Variants in ATP8A1 observed in about 807,000 individuals in gnomAD.
ATP8A1 encodes ATPase phospholipid transporting 8A1.
ATP8A1 carries 90 observed loss-of-function variants against 177.7 expected under a neutral mutation model. The observed-to-expected ratio is 0.51, with a 90% CI of 0.43 to 0.60. ATP8A1 has a LOEUF of 0.60. Ranked by LOEUF, ATP8A1 falls within the 20% of genes least tolerant of loss-of-function variation. ATP8A1 has a pLI of 0.00. For missense variants in ATP8A1, 1,072 were observed against 1,392.8 expected, an observed-to-expected ratio of 0.77 and a Z score of 3.67; for synonymous variants, 493 against 485.9, an observed-to-expected ratio of 1.01 and a Z score of -0.19.
At chr4:42,433,603 GACAAAGA>G (rs1448429741) in intron 33 of ATP8A1, among the ~76,000 whole-genome samples, 4 of 152,054 alleles carry the variant, frequency 2.6e-5, no homozygotes, top group Non-Finnish European at 5.9e-5. Context: ...ATTACTCAGA[GACAAAGA>G]AAACTCTTGG....
At chr4:42,477,789 A>G (rs1335848602) in intron 25 of ATP8A1, among the ~76,000 whole-genome samples, 2 of 146,244 alleles carry the variant, frequency 1.4e-5, no homozygotes, top group Non-Finnish European at 3.0e-5. Flanking sequence ...CTGGGCAACA[A>G]AGGCAGACCC....
chr4:42,547,446 CA>C (rs541312854), intron 19 of ATP8A1, among the ~76,000 whole-genome samples: 181 of 152,312 alleles, frequency 1.2e-3, no homozygotes, highest in African/African-American at 4.1e-3. Context: ...CCACCTTCAT[CA>C]TTGAGTCCTG....
At chr4:42,493,039 G>C (rs576622624) in intron 24 of ATP8A1, among the ~76,000 whole-genome samples, 1 of 152,288 alleles carries the variant, frequency 6.6e-6, no homozygotes, top group Non-Finnish European at 1.5e-5. Context: ...TTCATAGCTG[G>C]TCAGCAGACA....
At chr4:42,539,702 T>G (rs572847958) in intron 20 of ATP8A1, among the ~76,000 whole-genome samples, 21 of 152,252 alleles carry the variant, frequency 1.4e-4, no homozygotes, top group African/African-American at 4.3e-4. Flanking sequence ...AGGTCATGCT[T>G]CTTCTTCAAT....
rs1737993309 is a variant in ATP8A1 at position 42,625,706 on chromosome 4, T to C, written c.172A>G (p.Lys58Glu). Residue 58 changes from lysine to glutamate, a missense_variant, in exon 3 of 37, where the codon AAA becomes GAA. Lys to Glu is a moderately conservative substitution (Grantham distance 56). Coordinates refer to ENST00000381668, the MANE Select transcript of ATP8A1 (RefSeq NM_006095.2). ...KFCNNHVSTA[K>E]YNIITFLPRF... The stretch of plus-strand genomic sequence containing the variant: ...GGAAGGAATGTGATTATGTTGTATT[T>C]TGCAGTGCTAGAAAACAAAAATGAA... 12 of 1,593,300 alleles carry C rather than the reference T, an allele frequency of 7.5e-6. No homozygotes were observed. Among genetic ancestry groups the C allele is most frequent in the African/African-American group, 1.3e-5 (1 of 74,142 alleles).
intron 33 of ATP8A1, among the ~76,000 whole-genome samples, chr4:42,433,402 A>G (rs2153171379): frequency 6.6e-6 from 1 of 152,262 alleles, no homozygotes; most frequent in Middle Eastern, 3.4e-3. Context: ...GAAACTTTTG[A>G]TCCACTGAAC....
At chr4:42,627,969 T>C (rs545512606) in intron 1 of ATP8A1, among the ~76,000 whole-genome samples, 2 of 152,266 alleles carry the variant, frequency 1.3e-5, no homozygotes, top group Admixed American at 6.5e-5. Context: ...CGTCTTTGGG[T>C]TTCCACAGCC....
At chr4:42,472,296 A>G in intron 25 of ATP8A1, 1 of 527,094 alleles carries the variant, frequency 1.9e-6, no homozygotes, top group Non-Finnish European at 3.7e-6. Flanking sequence ...ACAACATGGA[A>G]AGCAAGGCTG....
In ATP8A1 at chr4:42,635,782, CATATATATAT is replaced by C. The variant is rs764452182; in HGVS notation, c.50-8683_50-8674del. Among the ~76,000 whole-genome samples, 20 of 51,992 alleles carry C rather than the reference CATATATATAT, an allele frequency of 3.8e-4. 1 individual carries two copies. The highest frequency in any genetic ancestry group is 8.4e-4 in the South Asian group (1 of 1,184). The allele number at this position is 51,992 out of a possible 152,430, so 34.1% of individuals were successfully genotyped here. A position where few individuals can be genotyped will look rare whatever the true frequency, so the allele number is the denominator to read the frequency against. Reference sequence around the variant, plus strand: ...ACACACACACACACACACACACACACATATATATATATATATATATATATATATACACATG... The same window carrying C: ...ACACACACACACACACACACACACACATATATATATATATATATACACATG... On this transcript the variant is annotated intron_variant, in intron 1 of 36. Transcript: ENST00000381668.
intron 33 of ATP8A1, among the ~76,000 whole-genome samples, chr4:42,435,460 A>AAAAAAAAAAAAC (rs1560320624): frequency 2.8e-5 from 3 of 108,212 alleles, no homozygotes; most frequent in African/African-American, 3.0e-5. Flanking sequence ...CAAAAAAAAA[A>AAAAAAAAAAAAC]AAACAAACTA....
chr4:42,655,061 A>C (rs1276727531), intron 1 of ATP8A1, among the ~76,000 whole-genome samples: 2 of 152,210 alleles, frequency 1.3e-5, no homozygotes, highest in Non-Finnish European at 2.9e-5. Flanking sequence ...AGGGTCATTC[A>C]CTCACCAAGC....
chr4:42,560,114 A>G (rs1730658213), intron 15 of ATP8A1, among the ~76,000 whole-genome samples: 1 of 152,228 alleles, frequency 6.6e-6, no homozygotes, highest in African/African-American at 2.4e-5. Flanking sequence ...CTTTTTATGG[A>G]ATATGAAAAA....
At chr4:42,498,185 C>T (rs923704353) in intron 24 of ATP8A1, among the ~76,000 whole-genome samples, 1 of 152,184 alleles carries the variant, frequency 6.6e-6, no homozygotes, top group Non-Finnish European at 1.5e-5. Flanking sequence ...CCCAAATTCT[C>T]TTTTTTCCCT....
chr4:42,438,506 T>C (rs911902518), intron 33 of ATP8A1, among the ~76,000 whole-genome samples: 5 of 152,128 alleles, frequency 3.3e-5, no homozygotes, highest in Non-Finnish European at 7.4e-5. Flanking sequence ...GGCTAGGATA[T>C]GAAGTGAGAT....
At chr4:42,499,875 G>T (rs189812743) in intron 24 of ATP8A1, among the ~76,000 whole-genome samples, 217 of 152,296 alleles carry the variant, frequency 1.4e-3, no homozygotes, top group Middle Eastern at 3.4e-3. Context: ...GATGTTTCCA[G>T]ATTTAACAGA....
intron 6 of ATP8A1, among the ~76,000 whole-genome samples, 189 bp downstream of exon 6, chr4:42,600,287 TAA>T (rs1341837753): frequency 6.6e-6 from 1 of 152,218 alleles, no homozygotes; most frequent in Non-Finnish European, 1.5e-5. Flanking sequence ...TTTTTCAAAA[TAA>T]GTCTTTCTAT....
chr4:42,504,612 G>A (rs1187861702), intron 23 of ATP8A1, among the ~76,000 whole-genome samples: 2 of 152,124 alleles, frequency 1.3e-5, no homozygotes, highest in East Asian at 3.9e-4. Flanking sequence ...TACCACCTTG[G>A]TCCAAGTCTC....
In ATP8A1 at chr4:42,538,200, T is replaced by G. The variant is rs559511615; in HGVS notation, c.1722+5717A>C. Among the ~76,000 whole-genome samples the G allele has an allele frequency of 2.0e-5, 3 of 152,272 alleles. No individual in the cohort carries two copies. In the South Asian group the frequency reaches 6.2e-4, roughly 32 times the overall value. ...CCCTATTCAACAAATGGTGCTGGGA[T>G]AGTTGGCAAGTCACATGTAGAAGAA... On this transcript the variant is annotated intron_variant, in intron 20 of 36. Transcript: ENST00000381668.
intron 25 of ATP8A1, among the ~76,000 whole-genome samples, chr4:42,469,580 T>C (rs1398968186): frequency 6.6e-6 from 1 of 152,250 alleles, no homozygotes; most frequent in Non-Finnish European, 1.5e-5. Context: ...AGCTTTGATA[T>C]GATTGCCCCT....
Sources: gnomAD v4.1 joint callset for allele counts (sites outside exome capture counted in the v4.1 genomes callset) on GRCh38, gnomAD v4.1.1 for gene constraint, MANE v1.5 for transcripts, NCBI Gene and HGNC (gene_info 2026-07-23, HGNC 2026-07-21) for gene names.